RGL1: variants seen among roughly 807,000 people sequenced by gnomAD.
The protein encoded by RGL1 is ral guanine nucleotide dissociation stimulator like 1.
RGL1 carries 24 observed loss-of-function variants against 95.2 expected under a neutral mutation model. That is an observed-to-expected ratio of 0.25 (90% CI 0.18 to 0.35). RGL1 has a LOEUF of 0.35. Among genes scored for constraint, RGL1 ranks in the 10% least tolerant of loss-of-function variants. The pLI is 1.00. For missense variants in RGL1, 715 were observed against 936.3 expected (o/e 0.76, Z 3.08); for synonymous variants, 329 against 344.9 (o/e 0.95, Z 0.51).
At chr1:183,878,098 G>A (rs557327004) in intron 4 of RGL1, among the ~76,000 whole-genome samples, 1 of 152,274 alleles carries the variant, frequency 6.6e-6, no homozygotes, top group East Asian at 1.9e-4. Context: ...TAGAGGTAAT[G>A]ATGAAGTATC....
chr1:183,664,730 A>G (rs1651913480), intron 1 of RGL1, among the ~76,000 whole-genome samples: 2 of 152,168 alleles, frequency 1.3e-5, no homozygotes. Context: ...AAAAATGTTA[A>G]CTTTGTATCC....
At chr1:183,822,436 C>T (rs769688722) in intron 2 of RGL1, among the ~76,000 whole-genome samples, 1 of 151,930 alleles carries the variant, frequency 6.6e-6, no homozygotes, top group Non-Finnish European at 1.5e-5. Context: ...GTTATTGAAC[C>T]AAAATCTCCT....
chr1:183,795,765 A>C (rs2102390012), intron 2 of RGL1, among the ~76,000 whole-genome samples: 2 of 152,344 alleles, frequency 1.3e-5, no homozygotes, highest in Admixed American at 1.3e-4. Flanking sequence ...GATAAATTAA[A>C]GTGGGCAGGA....
chr1:183,839,545 T>A (rs1156543211), intron 2 of RGL1, among the ~76,000 whole-genome samples: 2 of 152,230 alleles, frequency 1.3e-5, no homozygotes, highest in African/African-American at 4.8e-5. Context: ...GTTAAAGCCC[T>A]TGCAGTTGCT....
intron 1 of RGL1, among the ~76,000 whole-genome samples, chr1:183,721,397 C>G (rs1182289039): frequency 6.6e-6 from 1 of 152,156 alleles, no homozygotes; most frequent in Non-Finnish European, 1.5e-5. Flanking sequence ...TCATTTTACC[C>G]CTGCCTATTA....
intron 1 of RGL1, among the ~76,000 whole-genome samples, chr1:183,737,792 T>A (rs888596109): frequency 3.3e-5 from 5 of 152,028 alleles, no homozygotes; most frequent in African/African-American, 1.2e-4. Context: ...TTGAGAAAAA[T>A]TTTGCTTTTA....
chr1:183,878,747 A>G (rs961146548), intron 4 of RGL1, among the ~76,000 whole-genome samples: 4 of 152,188 alleles, frequency 2.6e-5, no homozygotes, highest in African/African-American at 9.7e-5. Flanking sequence ...TCTTACCTGT[A>G]ATTTTGTGTT....
chr1:183,805,249 C>T lies in RGL1; in HGVS notation c.-49C>T, dbSNP rs1437106730. On this transcript the variant is annotated 5_prime_UTR_variant, in exon 1 of 18. Coordinates refer to ENST00000360851, the MANE Select transcript of RGL1 (RefSeq NM_001297671.3). ...GCCCAGCAGACATTGCGTTGGCCTC[C>T]GAGCAGGGCGCATCATGCAGCGTTC... The T allele has an allele frequency of 6.2e-7, 1 of 1,605,586 alleles. No homozygotes were observed.
At chr1:183,648,470 A>G (rs760955378) in intron 1 of RGL1, 1 of 1,614,220 alleles carries the variant, frequency 6.2e-7, no homozygotes, top group East Asian at 2.2e-5. Context: ...CTGAGTCAAG[A>G]TAACCATTCA....
intron 10 of RGL1, among the ~76,000 whole-genome samples, chr1:183,898,290 A>C (rs1447165603): frequency 6.6e-6 from 1 of 152,152 alleles, no homozygotes; most frequent in Non-Finnish European, 1.5e-5. Flanking sequence ...ATGGTGACCA[A>C]GGAGAAAGAG....
At chr1:183,884,400 T>C (rs1468439954) in intron 6 of RGL1, among the ~76,000 whole-genome samples, 1 of 152,208 alleles carries the variant, frequency 6.6e-6, no homozygotes, top group Non-Finnish European at 1.5e-5. Flanking sequence ...TTTGAGTATG[T>C]CAGTCAGATT....
At chr1:183,641,144 T>A (rs969176418) in intron 1 of RGL1, among the ~76,000 whole-genome samples, 7 of 152,310 alleles carry the variant, frequency 4.6e-5, no homozygotes, top group South Asian at 2.1e-4. Flanking sequence ...GAATTTTTTT[T>A]AAATAATTGC....
chr1:183,802,665 GAATT>G (rs1192481887), upstream of RGL1, among the ~76,000 whole-genome samples: 1 of 95,442 alleles, frequency 1.0e-5, no homozygotes, highest in Non-Finnish European at 2.3e-5. Flanking sequence ...GCAAAATAAA[GAATT>G]AATGTGTTTC....
intron 2 of RGL1, among the ~76,000 whole-genome samples, chr1:183,820,077 A>G (rs76177864): frequency 0.018 from 2,664 of 152,160 alleles, 70 homozygotes; most frequent in African/African-American, 0.061. Flanking sequence ...GTGAGCCACC[A>G]TGACTAGCCC....
chr1:183,781,298 G>T (rs2102355304), intron 2 of RGL1, among the ~76,000 whole-genome samples: 1 of 152,152 alleles, frequency 6.6e-6, no homozygotes, highest in South Asian at 2.1e-4. Flanking sequence ...ATGTAGACTG[G>T]AATACTTCCC....
At chr1:183,735,368 A>G (rs1224725992) in intron 1 of RGL1, among the ~76,000 whole-genome samples, 1 of 152,190 alleles carries the variant, frequency 6.6e-6, no homozygotes, top group Admixed American at 6.5e-5. Context: ...ATCATGTTGA[A>G]TGCTTAATTC....
rs1669702668 is a variant in RGL1, at chr1:183,927,901, A to G, written c.*1609A>G. On this transcript the variant is annotated 3_prime_UTR_variant, in exon 18 of 18. Transcript: ENST00000360851. ...AAATAGCCATGTGAATTCCACAAGA[A>G]GCACCAGGGAAAGTTTAGAGATTTG... The G allele has an allele frequency of 6.6e-6, 1 of 152,642 alleles. No homozygotes were observed. Among genetic ancestry groups the G allele is most frequent in the African/African-American group, 2.4e-5 (1 of 41,454 alleles). The allele number at this position is 152,642 out of a possible 1,614,324, so 9.5% of individuals were successfully genotyped here.
chr1:183,771,936 G>A (rs1004569913), intron 2 of RGL1, among the ~76,000 whole-genome samples: 1 of 152,194 alleles, frequency 6.6e-6, no homozygotes, highest in South Asian at 2.1e-4. Flanking sequence ...GACACGGAGG[G>A]GAACACGCCG....
At chr1:183,648,552 C>T in intron 1 of RGL1, 5 of 1,614,142 alleles carry the variant, frequency 3.1e-6, no homozygotes, top group African/African-American at 2.7e-5. Context: ...TTGCACCAGG[C>T]TACCAGAAGA....
Sources: allele counts gnomAD v4.1 joint callset (sites outside exome capture counted in the v4.1 genomes callset), GRCh38; gene constraint gnomAD v4.1.1; transcripts MANE v1.5; gene names NCBI Gene and HGNC (gene_info 2026-07-23, HGNC 2026-07-21).